The following MYO16 variants were observed in gnomAD, a reference collection of about 807,000 sequenced individuals.
MYO16 encodes the protein myosin XVI.
In MYO16, 94 loss-of-function variants were observed where a neutral mutation model predicts 205.3. The ratio of observed to expected loss-of-function variants is 0.46; its 90% CI spans 0.39 to 0.54. The LOEUF (loss-of-function observed/expected upper bound fraction) is 0.54. Ranked by LOEUF, MYO16 falls within the 20% of genes least tolerant of loss-of-function variation. The pLI is 0.00. For synonymous variants in MYO16, 988 were observed against 954.0 expected (o/e 1.04, Z -0.66); for missense variants, 2,315 against 2,387.5 (o/e 0.97, Z 0.63).
chr13:108,721,076 G>A (rs1884145053), intron 3 of MYO16, among the ~76,000 whole-genome samples: 1 of 152,152 alleles, frequency 6.6e-6, no homozygotes, highest in South Asian at 2.1e-4. Context: ...AGTACTTTCA[G>A]ATGAATCAAT....
At position 109,032,285 on chromosome 13, in the gene MYO16, G is replaced by A. The variant is rs141807132; in HGVS notation, c.2796+12374G>A. Among the ~76,000 whole-genome samples, 90 of 152,162 alleles carry A rather than the reference G, an allele frequency of 5.9e-4. 1 individual carries two copies. The highest frequency in any genetic ancestry group is 2.0e-3 in the African/African-American group (83 of 41,510). ...ATGAAGCCCTACCACCATATCCTTC[G>A]CTATCAAAACCTCCATCTGTGGTGT... is the stretch of plus-strand genomic sequence containing the variant. On this transcript the variant is annotated intron_variant, in intron 23 of 34. Coordinates refer to ENST00000457511, the MANE Select transcript of MYO16 (RefSeq NM_001198950.3).
chr13:109,000,942 A>G (rs1885190994), intron 21 of MYO16, among the ~76,000 whole-genome samples: 1 of 152,088 alleles, frequency 6.6e-6, no homozygotes, highest in Admixed American at 6.6e-5. Flanking sequence ...GAATATAGTC[A>G]TGAATTAAAC....
At chr13:108,763,619 G>T (rs1482727869) in intron 4 of MYO16, among the ~76,000 whole-genome samples, 2 of 152,140 alleles carry the variant, frequency 1.3e-5, no homozygotes, top group Admixed American at 6.6e-5. Context: ...AGATGGGAGG[G>T]ATGGTGCAGT....
intron 3 of MYO16, among the ~76,000 whole-genome samples, chr13:108,720,410 A>G (rs1182351897): frequency 6.6e-6 from 1 of 152,212 alleles, no homozygotes; most frequent in Non-Finnish European, 1.5e-5. Context: ...TTTGTCCGCT[A>G]CTTTTCTTCT....
chr13:109,063,423 G>A (rs925012988), intron 27 of MYO16, among the ~76,000 whole-genome samples: 4 of 152,160 alleles, frequency 2.6e-5, no homozygotes, highest in Non-Finnish European at 4.4e-5. Flanking sequence ...GGAAAATTAT[G>A]TGCAAATTAT....
intron 1 of MYO16, among the ~76,000 whole-genome samples, chr13:108,646,755 A>G (rs949202128): frequency 5.3e-5 from 8 of 152,192 alleles, no homozygotes; most frequent in Non-Finnish European, 1.2e-4. Context: ...GGTAATTTTG[A>G]CATTATTTAG....
chr13:108,788,430 G>C (rs1165464463), intron 5 of MYO16, among the ~76,000 whole-genome samples: 2 of 152,176 alleles, frequency 1.3e-5, no homozygotes, highest in African/African-American at 4.8e-5. Flanking sequence ...CGATTAGAAA[G>C]TGAGCCAGCA....
At chr13:109,168,585 C>T (rs559857067) in intron 33 of MYO16, among the ~76,000 whole-genome samples, 33 of 151,978 alleles carry the variant, frequency 2.2e-4, no homozygotes, top group Admixed American at 9.2e-4. Flanking sequence ...ATCAGCTGGG[C>T]TTGGTGGTAT....
At chr13:108,973,627 C>T (rs1351742478) in intron 20 of MYO16, among the ~76,000 whole-genome samples, 1 of 152,044 alleles carries the variant, frequency 6.6e-6, no homozygotes, top group Non-Finnish European at 1.5e-5. Context: ...ATCACAGCTT[C>T]CTAGGGTCTC....
At chr13:108,661,522 A>G (rs1881500858) in intron 1 of MYO16, among the ~76,000 whole-genome samples, 1 of 152,034 alleles carries the variant, frequency 6.6e-6, no homozygotes, top group African/African-American at 2.4e-5. Context: ...GGTTAATTTG[A>G]AGACTTTGTC....
chr13:108,916,809 C>G (rs915950261), intron 16 of MYO16, among the ~76,000 whole-genome samples: 13 of 152,126 alleles, frequency 8.5e-5, no homozygotes, highest in African/African-American at 3.1e-4. Flanking sequence ...CCAGATATGT[C>G]ACTTGTTCAA....
chr13:109,034,289 C>T (rs1014308364), intron 23 of MYO16, among the ~76,000 whole-genome samples: 2 of 152,206 alleles, frequency 1.3e-5, no homozygotes, highest in African/African-American at 4.8e-5. Context: ...ACCCAAATCT[C>T]ATCTTGAATT....
intron 33 of MYO16, among the ~76,000 whole-genome samples, chr13:109,171,457 T>G (rs564862414): frequency 2.4e-4 from 36 of 152,356 alleles, no homozygotes; most frequent in African/African-American, 8.4e-4. Context: ...AATGCCAGTA[T>G]CTGCATGCTA....
rs191936248 is a variant in MYO16 at position 108,790,034 on chromosome 13, G to A, written c.617-3482G>A. Among the ~76,000 whole-genome samples the A allele has an allele frequency of 1.7e-4, 26 of 152,256 alleles. No individual in the cohort carries two copies. The East Asian group carries it at 4.8e-3, about 28-fold the overall frequency. On this transcript the variant is annotated intron_variant, in intron 5 of 34. Transcript: ENST00000457511. ...CTGGGTTACCCTAGGGAAACCAACC[G>A]TGGTGGTCTGACCCAGGCATAGGGA...
At chr13:108,999,488 A>G (rs552383609) in intron 21 of MYO16, among the ~76,000 whole-genome samples, 3 of 152,236 alleles carry the variant, frequency 2.0e-5, no homozygotes, top group Non-Finnish European at 2.9e-5. Context: ...AAAAACAAAT[A>G]GAATCATTAA....
At chr13:108,886,025 T>C (rs1367835902) in intron 13 of MYO16, among the ~76,000 whole-genome samples, 2 of 152,092 alleles carry the variant, frequency 1.3e-5, no homozygotes, top group Admixed American at 6.5e-5. Context: ...TCTCGCTCTG[T>C]CGCCCAGGCT....
intron 32 of MYO16, among the ~76,000 whole-genome samples, chr13:109,143,812 G>A (rs909657288): frequency 6.6e-6 from 1 of 152,010 alleles, no homozygotes; most frequent in African/African-American, 2.4e-5. Flanking sequence ...TCTTATTGTG[G>A]GCTTTTCTGA....
At chr13:109,020,690 AAT>A (rs1265142751) in intron 23 of MYO16, among the ~76,000 whole-genome samples, 1 of 152,114 alleles carries the variant, frequency 6.6e-6, no homozygotes, top group African/African-American at 2.4e-5. Context: ...AGCTGTAGTT[AAT>A]GTCTTCCACT....
chr13:108,797,739 G>T (rs7331297), intron 6 of MYO16, among the ~76,000 whole-genome samples: 61,812 of 151,876 alleles, frequency 0.41, 12,773 homozygotes, highest in Middle Eastern at 0.5. Context: ...TAATAGAAAC[G>T]CAATAGAGCC....
Sources: gnomAD v4.1 joint callset for allele counts (sites outside exome capture counted in the v4.1 genomes callset) on GRCh38, gnomAD v4.1.1 for gene constraint, MANE v1.5 for transcripts, NCBI Gene and HGNC (gene_info 2026-07-23, HGNC 2026-07-21) for gene names.